PRKX: variants seen among roughly 807,000 people sequenced by gnomAD.
PRKX encodes the protein protein kinase cAMP-dependent X-linked catalytic subunit.
PRKX carries 12 observed loss-of-function variants against 22.0 expected under a neutral mutation model. The observed-to-expected ratio is 0.54, with a 90% confidence interval of 0.35 to 0.88. The LOEUF is 0.88. Among genes scored for constraint, PRKX ranks in the 40% least tolerant of loss-of-function variants. The probability of loss-of-function intolerance (pLI) is 0.01; values close to 1 mark genes in which losing one functional copy is unlikely to be tolerated. For synonymous variants in PRKX, 134 were observed against 137.7 expected (o/e 0.97, Z 0.19); for missense variants, 217 against 308.0 (o/e 0.70, Z 2.21).
At chrX:3,640,179 G>T (rs1365837180) in intron 4 of PRKX, among the ~76,000 whole-genome samples, 3 of 109,248 alleles carry the variant, frequency 2.7e-5, no homozygotes, top group African/African-American at 1.0e-4. Context: ...GCAAGCAGAA[G>T]AAAGAAGGAA....
intron 3 of PRKX, among the ~76,000 whole-genome samples, chrX:3,645,001 T>G (rs1237470999): frequency 1.8e-5 from 2 of 111,954 alleles, no homozygotes; most frequent in African/African-American, 6.5e-5. Context: ...GGAGGACTCC[T>G]GCCCTGTTAG....
intron 1 of PRKX, among the ~76,000 whole-genome samples, chrX:3,678,627 ACAAT>A (rs1352089018): frequency 8.0e-5 from 9 of 112,217 alleles, no homozygotes; most frequent in Admixed American, 6.7e-4. Flanking sequence ...CGCCAACGCC[ACAAT>A]CAGACTGCAG....
At chrX:3,697,267 G>A (rs1189958475) in intron 1 of PRKX, among the ~76,000 whole-genome samples, 8 of 111,041 alleles carry the variant, frequency 7.2e-5, no homozygotes, top group East Asian at 2.8e-4. Context: ...TCGGGAAGGC[G>A]CGGCACGAGG....
intron 5 of PRKX, among the ~76,000 whole-genome samples, chrX:3,623,151 C>CGTGTGT (rs60593114): frequency 0.045 from 4,326 of 96,029 alleles, 99 homozygotes; most frequent in African/African-American, 0.075. Context: ...TAAATTTCAA[C>CGTGTGT]GTGTGTGTGT....
chrX:3,654,902 C>A (rs1309115664), intron 3 of PRKX, among the ~76,000 whole-genome samples: 2 of 111,227 alleles, frequency 1.8e-5, no homozygotes, highest in Admixed American at 1.9e-4. Context: ...ATGTGGTGTT[C>A]TGATTTCCTC....
chrX:3,619,962 C>T lies in PRKX; in HGVS notation c.873+1297G>A, dbSNP rs191241668. ...GAGCTAGAAATGGCCAACAAAAAGT[C>T]CATGAATTCTGTCAAATTCAGGGAT... is the stretch of plus-strand genomic sequence containing the variant. On this transcript the variant is annotated intron_variant, in intron 6 of 8. Transcript: ENST00000262848. 2.7e-3 allele frequency among the ~76,000 whole-genome samples: 302 copies of T among 111,667 alleles called. 2 individuals are homozygous for T. The highest frequency in any genetic ancestry group is 9.4e-3 in the African/African-American group (289 of 30,747).
At chrX:3,639,498 A>G (rs148758672) in intron 4 of PRKX, among the ~76,000 whole-genome samples, 3,630 of 16,507 alleles carry the variant, frequency 0.22, 518 homozygotes, top group East Asian at 0.44. Flanking sequence ...GGGAGTGGGT[A>G]CATGGATGGA....
At chrX:3,711,879 GAA>G (rs1347182491) in intron 1 of PRKX, among the ~76,000 whole-genome samples, 3 of 110,275 alleles carry the variant, frequency 2.7e-5, no homozygotes, top group Non-Finnish European at 1.9e-5. Context: ...GAGAAACAGA[GAA>G]AAGAGAGAGA....
At chrX:3,630,404 CA>C (rs775380619) in intron 4 of PRKX, among the ~76,000 whole-genome samples, 3 of 110,727 alleles carry the variant, frequency 2.7e-5, no homozygotes, top group Non-Finnish European at 5.7e-5. Context: ...ACCAAAAATA[CA>C]AAAAATTAGC....
intron 8 of PRKX, 129 bp downstream of exon 8, chrX:3,612,048 C>G: frequency 9.0e-6 from 5 of 555,413 alleles, no homozygotes; most frequent in Non-Finnish European, 1.1e-5. Context: ...GCAATCAATC[C>G]CCTTTGCTCT....
At chrX:3,610,684 C>CTGAT (rs1339357703) in intron 8 of PRKX, among the ~76,000 whole-genome samples, 10 of 110,405 alleles carry the variant, frequency 9.1e-5, no homozygotes, top group Admixed American at 2.0e-4. Context: ...AAATTGTTCA[C>CTGAT]TGATTATATG....
intron 4 of PRKX, among the ~76,000 whole-genome samples, chrX:3,627,455 G>A (rs1926685615): frequency 9.6e-6 from 1 of 103,722 alleles, no homozygotes; most frequent in Non-Finnish European, 2.0e-5. Context: ...AGGATGTGGA[G>A]AAAAGGGAAC....
chrX:3,662,694 C>A (rs867076357), intron 2 of PRKX, among the ~76,000 whole-genome samples: 374 of 43,893 alleles, frequency 8.5e-3, no homozygotes, highest in South Asian at 0.013. Context: ...GACTCCATCT[C>A]AAAAAAAAAA....
At chrX:3,666,176 A>C (rs1413510451) in intron 2 of PRKX, among the ~76,000 whole-genome samples, 1 of 86,417 alleles carries the variant, frequency 1.2e-5, no homozygotes, top group African/African-American at 4.6e-5. Flanking sequence ...TTTTTTTGAG[A>C]CAGAGTCTCG....
chrX:3,664,584 G>C, intron 2 of PRKX, among the ~76,000 whole-genome samples: 1 of 112,403 alleles, frequency 8.9e-6, no homozygotes, highest in Non-Finnish European at 1.9e-5. Flanking sequence ...ACTGGATAAA[G>C]AAAATTTAGT....
At chrX:3,689,635 G>A (rs963231994) in intron 1 of PRKX, among the ~76,000 whole-genome samples, 2 of 111,882 alleles carry the variant, frequency 1.8e-5, no homozygotes, top group East Asian at 2.8e-4. Flanking sequence ...AGTAGTGATC[G>A]CACCCCTGTG....
chrX:3,702,114 AC>A (rs1928590474), intron 1 of PRKX, among the ~76,000 whole-genome samples: 1 of 111,209 alleles, frequency 9.0e-6, no homozygotes, highest in African/African-American at 3.3e-5. Flanking sequence ...CTGGATATGG[AC>A]CCCTTTCTGT....
chrX:3,654,133 T>C (rs1277918373), intron 3 of PRKX, among the ~76,000 whole-genome samples: 2 of 89,335 alleles, frequency 2.2e-5, no homozygotes, highest in East Asian at 3.3e-4. Flanking sequence ...ATATAGAGTA[T>C]AGTGATATGT....
At chrX:3,611,285 G>A (rs778395921) in intron 8 of PRKX, 8 of 112,126 alleles carry the variant, frequency 7.1e-5, no homozygotes, top group Non-Finnish European at 1.3e-4. Flanking sequence ...TGTCTGTTTC[G>A]AATGGTGTTG....
Sources: allele counts gnomAD v4.1 joint callset (sites outside exome capture counted in the v4.1 genomes callset), GRCh38; gene constraint gnomAD v4.1.1; transcripts MANE v1.5; gene names NCBI Gene and HGNC (gene_info 2026-07-23, HGNC 2026-07-21).